The following PAH variants were observed in gnomAD, a reference collection of about 807,000 sequenced individuals.
PAH encodes the protein phenylalanine-4-hydroxylase.
In PAH, 64 loss-of-function variants were observed where a neutral mutation model predicts 62.0. That is an observed-to-expected ratio of 1.03 (90% CI 0.84 to 1.27). PAH has a LOEUF of 1.27. PAH is among the 50% of genes most tolerant of loss of function. The probability of loss-of-function intolerance (pLI) is 0.00; values close to 1 mark genes in which losing one functional copy is unlikely to be tolerated. For synonymous variants in PAH, 195 were observed against 196.2 expected (o/e 0.99, Z 0.05); for missense variants, 579 against 542.8 (o/e 1.07, Z -0.66).
chr12:102,937,599 A>G (rs1396420590), intron 1 of PAH, among the ~76,000 whole-genome samples: 1 of 151,942 alleles, frequency 6.6e-6, no homozygotes, highest in Non-Finnish European at 1.5e-5. Context: ...TATTATTTCT[A>G]TTTATATATT....
chr12:102,885,456 G>A (rs34877550), intron 3 of PAH, among the ~76,000 whole-genome samples: 24,968 of 152,178 alleles, frequency 0.16, 2,402 homozygotes, highest in Admixed American at 0.32. Flanking sequence ...GCTGGGCTCC[G>A]CGGTTAATGA....
rs529538998 is a variant in PAH, at chr12:102,922,429, T to C, written c.-95-5204A>G. ...GGTTAGTCTCGATCTCCTGAACTCA[T>C]GATCCACCCACCTCAGCCTTCCAAA... On this transcript the variant is annotated intron_variant, in intron 1 of 3. Transcript: ENST00000546844. Among the ~76,000 whole-genome samples, 3 of 152,234 alleles carry C rather than the reference T, an allele frequency of 2.0e-5. No homozygotes were observed. In the South Asian group the frequency reaches 6.2e-4, roughly 32 times the overall value.
At chr12:102,863,106 C>G (rs1875805078) in intron 5 of PAH, among the ~76,000 whole-genome samples, 1 of 152,184 alleles carries the variant, frequency 6.6e-6, no homozygotes, top group South Asian at 2.1e-4. Context: ...TAGTAAACCT[C>G]TCTGAGCCTC....
intron 8 of PAH, among the ~76,000 whole-genome samples, chr12:102,847,701 A>C (rs1874915236): frequency 6.6e-6 from 1 of 152,320 alleles, no homozygotes; most frequent in South Asian, 2.1e-4. Context: ...AATAAACAAG[A>C]GGGACTAAGA....
chr12:102,951,863 T>G (rs1387443922), upstream of PAH, among the ~76,000 whole-genome samples: 1 of 151,988 alleles, frequency 6.6e-6, no homozygotes, highest in East Asian at 1.9e-4. Context: ...TCTTTATTCC[T>G]TCTCTTTCTC....
At chr12:102,893,860 T>A (rs973299080) in intron 3 of PAH, among the ~76,000 whole-genome samples, 1 of 152,216 alleles carries the variant, frequency 6.6e-6, no homozygotes, top group Middle Eastern at 3.2e-3. Flanking sequence ...CAGAAATATG[T>A]GCAGAGCACC....
chr12:102,857,935 G>A (rs1201787036), intron 5 of PAH, among the ~76,000 whole-genome samples: 1 of 152,144 alleles, frequency 6.6e-6, no homozygotes, highest in African/African-American at 2.4e-5. Context: ...AAAATAACCA[G>A]CTAACATCAT....
intron 8 of PAH, among the ~76,000 whole-genome samples, chr12:102,848,468 AG>A (rs1874979859): frequency 7.3e-6 from 1 of 137,012 alleles, no homozygotes; most frequent in Non-Finnish European, 1.6e-5. Flanking sequence ...GGAGAGGTGG[AG>A]GGTAGACAGG....
chr12:102,919,607 C>T (rs1292528211), upstream of PAH, among the ~76,000 whole-genome samples: 1 of 152,122 alleles, frequency 6.6e-6, no homozygotes. Context: ...TACTACCCTT[C>T]CCCACCTCTG....
At chr12:102,853,213 C>A in intron 6 of PAH, 1 of 493,316 alleles carries the variant, frequency 2.0e-6, no homozygotes, top group Non-Finnish European at 3.7e-6. Flanking sequence ...ATAAAAAGAG[C>A]TAATGAATAC....
chr12:102,851,765 C>G lies in PAH; in HGVS notation c.843-9G>C, dbSNP rs2136645008. ...GCTCATGGCAGATGTCACTGAAAGA[C>G]AGAAAGCACAGAGAGCTCGGAGGGG... is the stretch of plus-strand genomic sequence containing the variant. On this transcript the variant is annotated splice_polypyrimidine_tract_variant and intron_variant, in intron 7 of 12. Coordinates refer to ENST00000553106, the MANE Select transcript of PAH (RefSeq NM_000277.3). The G allele has an allele frequency of 6.2e-7, 1 of 1,612,928 alleles. No individual in the cohort carries two copies. The highest frequency in any genetic ancestry group is 8.5e-7 in the Non-Finnish European group (1 of 1,178,954).
At chr12:102,947,753 C>T (rs755743413) in intron 1 of PAH, among the ~76,000 whole-genome samples, 1 of 151,976 alleles carries the variant, frequency 6.6e-6, no homozygotes, top group African/African-American at 2.4e-5. Flanking sequence ...TCTGGGTTCT[C>T]CAGAAAAAAG....
At chr12:102,872,307 C>G (rs1370788398) in intron 4 of PAH, among the ~76,000 whole-genome samples, 1 of 152,138 alleles carries the variant, frequency 6.6e-6, no homozygotes, top group Non-Finnish European at 1.5e-5. Flanking sequence ...ACCACGTGTA[C>G]TTTCGTCTCT....
chr12:102,924,568 A>G (rs1473372767), intron 1 of PAH, among the ~76,000 whole-genome samples: 1 of 152,160 alleles, frequency 6.6e-6, no homozygotes, highest in Non-Finnish European at 1.5e-5. Flanking sequence ...TGTCCAGTAT[A>G]ATAATTACAG....
At chr12:102,851,859 CT>C in intron 7 of PAH, 103 bp from the exon 8 acceptor site, 1 of 845,768 alleles carries the variant, frequency 1.2e-6, no homozygotes, top group Non-Finnish European at 2.0e-6. Flanking sequence ...GGAAATAACT[CT>C]TTTAGGCTTA....
At chr12:102,879,368 G>A (rs900374807) in intron 3 of PAH, among the ~76,000 whole-genome samples, 9 of 151,434 alleles carry the variant, frequency 5.9e-5, no homozygotes, top group South Asian at 2.1e-4. Flanking sequence ...CTTAGATGGG[G>A]CAGGAAAGAG....
chr12:102,861,974 A>T (rs1011166495), intron 5 of PAH, among the ~76,000 whole-genome samples: 9 of 151,830 alleles, frequency 5.9e-5, no homozygotes, highest in African/African-American at 2.2e-4. Flanking sequence ...TATAAAAAAA[A>T]AAAAAAAAGA....
At chr12:102,917,269 G>A (rs1022255975), upstream of PAH, 36 of 754,402 alleles carry the variant, frequency 4.8e-5, no homozygotes, top group Non-Finnish European at 6.7e-5. Flanking sequence ...CTTGCGTGGT[G>A]CATCTCCGCA....
At chr12:102,926,991 G>T (rs75320245) in intron 1 of PAH, among the ~76,000 whole-genome samples, 4,989 of 151,874 alleles carry the variant, frequency 0.033, 362 homozygotes, top group African/African-American at 0.11. Context: ...AACATTTACC[G>T]CAACCCCACT....
Sources: gnomAD v4.1 joint callset for allele counts (sites outside exome capture counted in the v4.1 genomes callset) on GRCh38, gnomAD v4.1.1 for gene constraint, MANE v1.5 for transcripts, NCBI Gene and HGNC (gene_info 2026-07-23, HGNC 2026-07-21) for gene names.